Variants in NCAM1 observed in about 807,000 individuals in gnomAD.
NCAM1 encodes the protein neural cell adhesion molecule 1.
In NCAM1, 14 loss-of-function variants were observed where a neutral mutation model predicts 109.8. The ratio of observed to expected loss-of-function variants is 0.13; its 90% CI spans 0.08 to 0.20. The LOEUF (loss-of-function observed/expected upper bound fraction) is 0.20, where lower values mean the gene tolerates loss of function less well. Ranked by LOEUF, NCAM1 falls within the 10% of genes least tolerant of loss-of-function variation. The pLI is 1.00. For synonymous variants in NCAM1, 418 were observed against 442.9 expected, an observed-to-expected ratio of 0.94 and a Z score of 0.70; for missense variants, 774 against 1,109.9, an observed-to-expected ratio of 0.70 and a Z score of 4.30.
chr11:113,240,551 T>C (rs782730927), intron 14 of NCAM1: 18 of 541,954 alleles, frequency 3.3e-5, no homozygotes, highest in Non-Finnish European at 5.2e-5. Context: ...TGGCCCAGAC[T>C]TTACCTGAAC....
chr11:112,981,221 C>A (rs1048199704), intron 1 of NCAM1, among the ~76,000 whole-genome samples: 2 of 151,608 alleles, frequency 1.3e-5, no homozygotes, highest in East Asian at 1.9e-4. Context: ...GAAAAAAAAA[C>A]CGAAATGATG....
At chr11:113,218,560 T>C (rs1555114741) in intron 8 of NCAM1, among the ~76,000 whole-genome samples, 1 of 152,196 alleles carries the variant, frequency 6.6e-6, no homozygotes, top group South Asian at 2.1e-4. Context: ...TTCTTGTTCA[T>C]TATAAAAGAA....
chr11:113,243,933 C>T (rs1229774293), intron 14 of NCAM1: 1 of 168,300 alleles, frequency 5.9e-6, no homozygotes, highest in Non-Finnish European at 1.3e-5. Flanking sequence ...GGTCTGCTTT[C>T]TTGGTGTTCC....
intron 1 of NCAM1, among the ~76,000 whole-genome samples, chr11:113,045,389 G>A (rs1051347873): frequency 1.3e-5 from 2 of 152,102 alleles, no homozygotes; most frequent in African/African-American, 4.8e-5. Flanking sequence ...AGCTCGGCAG[G>A]TGAGGGAGCA....
At chr11:113,172,316 A>G (rs1256841690) in intron 1 of NCAM1, among the ~76,000 whole-genome samples, 3 of 152,100 alleles carry the variant, frequency 2.0e-5, no homozygotes, top group African/African-American at 7.2e-5. Flanking sequence ...CATCAAAACC[A>G]TTTTGTCTCG....
intron 1 of NCAM1, chr11:113,133,389 T>C (rs1413639014): frequency 1.3e-5 from 2 of 152,252 alleles, no homozygotes; most frequent in Non-Finnish European, 2.9e-5. Context: ...AACCTGATGA[T>C]GTGCTGCTGT....
At chr11:113,144,427 G>A (rs570512383) in intron 1 of NCAM1, among the ~76,000 whole-genome samples, 7 of 152,212 alleles carry the variant, frequency 4.6e-5, no homozygotes, top group South Asian at 2.1e-4. Context: ...CTTTATTAAC[G>A]AGAATGCTTT....
intron 1 of NCAM1, among the ~76,000 whole-genome samples, chr11:112,996,510 A>T (rs907136483): frequency 6.6e-6 from 1 of 152,240 alleles, no homozygotes; most frequent in African/African-American, 2.4e-5. Context: ...ATTGTTTATT[A>T]TCATAAACAG....
intron 1 of NCAM1, among the ~76,000 whole-genome samples, chr11:113,111,445 A>G (rs1233242986): frequency 1.3e-5 from 2 of 152,214 alleles, no homozygotes; most frequent in Admixed American, 1.3e-4. Flanking sequence ...TTCCGTATGT[A>G]TGATGTTTGA....
At chr11:113,119,747 G>A (rs958440378) in intron 1 of NCAM1, among the ~76,000 whole-genome samples, 1 of 151,982 alleles carries the variant, frequency 6.6e-6, no homozygotes, top group Non-Finnish European at 1.5e-5. Flanking sequence ...AATGTCAATG[G>A]GTTCAGCATG....
intron 17 of NCAM1, among the ~76,000 whole-genome samples, chr11:113,266,002 C>T (rs1376018028): frequency 6.6e-6 from 1 of 152,206 alleles, no homozygotes; most frequent in Non-Finnish European, 1.5e-5. Flanking sequence ...TCTCCCTGTC[C>T]TGGGCAGCTC....
chr11:113,154,121 TGTA>T (rs1286805990), intron 1 of NCAM1, among the ~76,000 whole-genome samples: 3 of 152,324 alleles, frequency 2.0e-5, no homozygotes, highest in Admixed American at 2.0e-4. Flanking sequence ...TTGCCACAAT[TGTA>T]GTATACAGAA....
chr11:113,008,101 G>C (rs1951934829), intron 1 of NCAM1, among the ~76,000 whole-genome samples: 2 of 152,162 alleles, frequency 1.3e-5, no homozygotes, highest in African/African-American at 4.8e-5. Flanking sequence ...GAGACTTAGA[G>C]TTCATTAATT....
At chr11:113,191,092 T>A (rs1565489104) in intron 1 of NCAM1, among the ~76,000 whole-genome samples, 2 of 152,184 alleles carry the variant, frequency 1.3e-5, no homozygotes, top group African/African-American at 4.8e-5. Context: ...TAGTAATCCA[T>A]AGATGGGAAA....
chr11:113,053,539 T>C (rs1027209529), intron 1 of NCAM1, among the ~76,000 whole-genome samples: 1 of 152,204 alleles, frequency 6.6e-6, no homozygotes, highest in Admixed American at 6.5e-5. Context: ...TTTAAAAGCA[T>C]TCCTATTTCT....
chr11:113,070,770 A>C (rs2135561450), intron 1 of NCAM1, among the ~76,000 whole-genome samples: 1 of 152,300 alleles, frequency 6.6e-6, no homozygotes, highest in South Asian at 2.1e-4. Flanking sequence ...ATAAAGGAAA[A>C]GATAAGGTCA....
chr11:113,232,517 C>G (rs1346888001), intron 11 of NCAM1, among the ~76,000 whole-genome samples, 163 bp downstream of exon 11: 1 of 152,150 alleles, frequency 6.6e-6, no homozygotes, highest in African/African-American at 2.4e-5. Flanking sequence ...TCCCCTTCGC[C>G]CACTCTACCA....
rs1300213643 is a variant in NCAM1, at chr11:113,273,406, C to A, written c.2456+1530C>A. Reference sequence around the variant, plus strand: ...GCCAGTCCTCTAGCAGCAGCGGCTGCCCCTGCCACAGAAGCCCCTCAGGCC... The same window carrying A: ...GCCAGTCCTCTAGCAGCAGCGGCTGACCCTGCCACAGAAGCCCCTCAGGCC... On this transcript the variant is annotated intron_variant, in intron 19 of 19. Transcript: ENST00000316851. The surrounding 1 kb of genome is among the most constrained non-coding windows in gnomAD (Gnocchi z 6.0). 3.0e-6 allele frequency: 1 copy of A among 329,630 alleles called. No homozygotes were observed. The allele number at this position is 329,630 out of a possible 1,614,324, so 20.4% of individuals were successfully genotyped here. A position where few individuals can be genotyped will look rare whatever the true frequency, so the allele number is the denominator to read the frequency against.
At chr11:113,268,073 C>T (rs1946174980) in intron 17 of NCAM1, among the ~76,000 whole-genome samples, 1 of 152,160 alleles carries the variant, frequency 6.6e-6, no homozygotes, top group Non-Finnish European at 1.5e-5. Flanking sequence ...GCCTGGAGCC[C>T]TGTGTCATGG....
Sources: gnomAD v4.1 joint callset for allele counts (sites outside exome capture counted in the v4.1 genomes callset) on GRCh38, gnomAD v4.1.1 for gene constraint, Gnocchi (gnomAD v3.1) non-coding constraint, MANE v1.5 for transcripts, NCBI Gene and HGNC (gene_info 2026-07-23, HGNC 2026-07-21) for gene names.